The following DRC11L variants were observed in gnomAD, a reference collection of about 807,000 sequenced individuals.
The protein encoded by DRC11L is dynein regulatory complex subunit 11 like.
the DRC11L span, chr7:151,192,920 C>T: frequency 2.5e-6 from 1 of 398,530 alleles, no homozygotes; most frequent in Non-Finnish European, 4.4e-6. Flanking sequence ...GAGGGCCGGC[C>T]TTGAGCAGGG....
the DRC11L span, chr7:151,195,413 C>A: frequency 5.0e-6 from 2 of 399,054 alleles, no homozygotes; most frequent in Non-Finnish European, 8.8e-6. Context: ...AAAGTGGGCA[C>A]GACAGGGTCC....
At chr7:151,191,141 C>T in the DRC11L span, 7 of 399,588 alleles carry the variant, frequency 1.8e-5, no homozygotes, top group Middle Eastern at 6.2e-4. Flanking sequence ...CTGACCTCAC[C>T]CCTCCCCCTT....
the DRC11L span, among the ~76,000 whole-genome samples, chr7:151,204,242 G>A: frequency 6.6e-6 from 1 of 152,080 alleles, no homozygotes; most frequent in Non-Finnish European, 1.5e-5. Flanking sequence ...ACCCCCCACC[G>A]CCAAGGTTCC....
At chr7:151,192,255 C>T in the DRC11L span, 12 of 398,974 alleles carry the variant, frequency 3.0e-5, no homozygotes, top group Admixed American at 4.4e-5. Context: ...GCGCAGCCGT[C>T]CCCACATCCC....
the DRC11L span, among the ~76,000 whole-genome samples, chr7:151,198,225 G>C: frequency 6.8e-6 from 1 of 146,228 alleles, no homozygotes; most frequent in Non-Finnish European, 1.5e-5. Flanking sequence ...TGGATGGACA[G>C]ATGGATAGAC....
At chr7:151,197,069 C>A in the DRC11L span, 1 of 399,844 alleles carries the variant, frequency 2.5e-6, no homozygotes, top group Non-Finnish European at 4.4e-6. Flanking sequence ...TAGAAACATT[C>A]TTTGACCTTG....
chr7:151,192,186 G>T, the DRC11L span: 1 of 398,448 alleles, frequency 2.5e-6, no homozygotes, highest in East Asian at 3.6e-5. Context: ...CCGGGCTGTG[G>T]GGGTGAGGGC....
At chr7:151,200,664 C>T in the DRC11L span, among the ~76,000 whole-genome samples, 1 of 152,056 alleles carries the variant, frequency 6.6e-6, no homozygotes, top group African/African-American at 2.4e-5. Context: ...GTCAACTGGC[C>T]CCAGGGCCCC....
At chr7:151,204,009 C>A in the DRC11L span, among the ~76,000 whole-genome samples, 1 of 152,216 alleles carries the variant, frequency 6.6e-6, no homozygotes, top group East Asian at 1.9e-4. Flanking sequence ...CTTGCCCGTG[C>A]ACACAGATCA....
the DRC11L span, chr7:151,204,974 T>G: frequency 2.5e-6 from 1 of 397,802 alleles, no homozygotes; most frequent in Admixed American, 4.4e-5. Flanking sequence ...TGGACTTCAA[T>G]GAGGTAAGGA....
At chr7:151,192,658 A>G in the DRC11L span, 1 of 398,976 alleles carries the variant, frequency 2.5e-6, no homozygotes, top group Non-Finnish European at 4.4e-6. Flanking sequence ...TGGGGTTTGG[A>G]GCGACTGGAA....
the DRC11L span, chr7:151,197,862 C>T: frequency 2.5e-6 from 1 of 399,340 alleles, no homozygotes; most frequent in East Asian, 3.6e-5. Context: ...GTAGGATCCA[C>T]CTGAAGACGC....
the DRC11L span, among the ~76,000 whole-genome samples, chr7:151,201,205 C>T: frequency 1.3e-5 from 2 of 152,240 alleles, no homozygotes; most frequent in Non-Finnish European, 1.5e-5. The surrounding 1 kb of genome is among the most constrained non-coding windows in gnomAD (Gnocchi z 4.1). Flanking sequence ...GAGCAGGGAC[C>T]GGTTCCTGCC....
the DRC11L span, chr7:151,197,871 G>T: frequency 5.0e-6 from 2 of 399,216 alleles, no homozygotes; most frequent in South Asian, 2.5e-4. Flanking sequence ...ACCTGAAGAC[G>T]CATCTGGATA....
At chr7:151,196,093 G>A in the DRC11L span, 192 of 250,230 alleles carry the variant, frequency 7.7e-4, no homozygotes, top group African/African-American at 3.8e-3. Context: ...TGAAGCCCAC[G>A]GCATGGGTGG....
the DRC11L span, chr7:151,198,020 GGATA>G: frequency 8.0e-6 from 3 of 373,698 alleles, no homozygotes; most frequent in Non-Finnish European, 1.4e-5. Context: ...ATGGACAGAT[GGATA>G]GATAGATGGA....
the DRC11L span, chr7:151,198,055 T>G: frequency 6.3e-6 from 2 of 315,570 alleles, no homozygotes; most frequent in African/African-American, 4.5e-5. Flanking sequence ...GAAGGGTGAG[T>G]GGGTAGATGG....
At chr7:151,194,592 C>T in the DRC11L span, 1 of 399,522 alleles carries the variant, frequency 2.5e-6, no homozygotes, top group East Asian at 3.6e-5. Context: ...ACAGAGACTC[C>T]ACAGACCTGG....
the DRC11L span, among the ~76,000 whole-genome samples, chr7:151,198,183 T>C: frequency 7.4e-6 from 1 of 134,524 alleles, no homozygotes; most frequent in Admixed American, 8.0e-5. Context: ...GATGGATGGA[T>C]GGGGAGATGG....
Sources: allele counts gnomAD v4.1 joint callset (sites outside exome capture counted in the v4.1 genomes callset), GRCh38; gene constraint gnomAD v4.1.1; non-coding constraint Gnocchi (gnomAD v3.1); transcripts MANE v1.5; gene names NCBI Gene and HGNC (gene_info 2026-07-23, HGNC 2026-07-21).